GOLGA1: variants seen among roughly 807,000 people sequenced by gnomAD.
GOLGA1 encodes golgin A1.
A neutral mutation model predicts 119.7 loss-of-function variants in GOLGA1; 63 were observed. The observed-to-expected ratio is 0.53, with a 90% CI of 0.43 to 0.65. The LOEUF (loss-of-function observed/expected upper bound fraction) is 0.65, where lower values mean the gene tolerates loss of function less well. Ranked by LOEUF, GOLGA1 falls within the 30% of genes least tolerant of loss-of-function variation. The pLI is 0.00. For synonymous variants in GOLGA1, 318 were observed against 333.4 expected (o/e 0.95, Z 0.50); for missense variants, 798 against 912.8 (o/e 0.87, Z 1.62).
chr9:124,878,511 C>T lies in GOLGA1; in HGVS notation c.*2019G>A, dbSNP rs1373827879. The T allele has an allele frequency of 1.3e-5, 2 of 152,634 alleles. No homozygotes were observed. Among genetic ancestry groups the T allele is most frequent in the South Asian group, 2.1e-4 (1 of 4,830 alleles). The allele number at this position is 152,634 out of a possible 1,614,324, so 9.5% of individuals were successfully genotyped here. A position where few individuals can be genotyped will look rare whatever the true frequency, so the allele number is the denominator to read the frequency against. ...CGCTCGTATAAAGGGCTATAGATAC[C>T]GTCGCTAACACAGAAAGTTTTATAC... is the stretch of plus-strand genomic sequence containing the variant. On this transcript the variant is annotated 3_prime_UTR_variant, in exon 23 of 23. Transcript: ENST00000373555.
At chr9:124,884,880 A>G (rs1829681759) in intron 19 of GOLGA1, among the ~76,000 whole-genome samples, 1 of 152,176 alleles carries the variant, frequency 6.6e-6, no homozygotes, top group South Asian at 2.1e-4. Flanking sequence ...AAAAAAGTCA[A>G]AAGTTCACCC....
At chr9:124,895,981 C>A (rs971832427) in intron 15 of GOLGA1, among the ~76,000 whole-genome samples, 3 of 151,858 alleles carry the variant, frequency 2.0e-5, no homozygotes, top group Non-Finnish European at 2.9e-5. Context: ...GAGAACCATC[C>A]ACAACAGAGA....
At chr9:124,896,655 T>C (rs560041452) in intron 15 of GOLGA1, among the ~76,000 whole-genome samples, 13 of 152,304 alleles carry the variant, frequency 8.5e-5, no homozygotes, top group Admixed American at 7.8e-4. Context: ...AGACCTGCCA[T>C]AGCTGGTTAG....
At chr9:124,898,428 C>G (rs1588068024) in intron 15 of GOLGA1, 121 bp downstream of exon 15, 2 of 646,562 alleles carry the variant, frequency 3.1e-6, no homozygotes, top group Non-Finnish European at 2.7e-6. Flanking sequence ...CCTAACAGAA[C>G]TATTGAACAA....
chr9:124,941,493 C>G (rs1035547429), upstream of GOLGA1, among the ~76,000 whole-genome samples: 1 of 152,190 alleles, frequency 6.6e-6, no homozygotes, highest in East Asian at 1.9e-4. Flanking sequence ...CCCGCCGCAC[C>G]CTAGGCAGCT....
At chr9:124,899,113 T>C (rs1261440725) in intron 14 of GOLGA1, among the ~76,000 whole-genome samples, 1 of 152,150 alleles carries the variant, frequency 6.6e-6, no homozygotes, top group South Asian at 2.1e-4. Flanking sequence ...GCAGGATCAC[T>C]TGAGTCTGAG....
intron 11 of GOLGA1, among the ~76,000 whole-genome samples, chr9:124,910,930 G>A (rs1004639988): frequency 6.6e-6 from 1 of 152,236 alleles, no homozygotes; most frequent in Non-Finnish European, 1.5e-5. Context: ...TGTCTTCCAC[G>A]AAACCAGTCC....
intron 15 of GOLGA1, among the ~76,000 whole-genome samples, chr9:124,892,543 T>G (rs982486084): frequency 1.3e-5 from 2 of 152,114 alleles, no homozygotes; most frequent in Non-Finnish European, 2.9e-5. Context: ...AATGGCACAA[T>G]CTCAGCTCAC....
intron 10 of GOLGA1, among the ~76,000 whole-genome samples, chr9:124,914,732 C>T (rs998257384): frequency 6.6e-6 from 1 of 152,232 alleles, no homozygotes; most frequent in Non-Finnish European, 1.5e-5. Flanking sequence ...AGCCCAAAGG[C>T]ATATACCTAT....
At chr9:124,942,183 T>G (rs1831053196), upstream of GOLGA1, among the ~76,000 whole-genome samples, 1 of 152,038 alleles carries the variant, frequency 6.6e-6, no homozygotes, top group Non-Finnish European at 1.5e-5. Context: ...GGCAGGATAA[T>G]CGCTTGAACC....
At chr9:124,880,901 CCAGA>C (rs1332761279) in intron 22 of GOLGA1, among the ~76,000 whole-genome samples, 1 of 152,206 alleles carries the variant, frequency 6.6e-6, no homozygotes, top group Admixed American at 6.5e-5. Flanking sequence ...GAGTGCCGAG[CCAGA>C]CCTGGGGCTC....
chr9:124,897,783 T>C (rs1456952330), intron 15 of GOLGA1, among the ~76,000 whole-genome samples: 5 of 152,356 alleles, frequency 3.3e-5, no homozygotes, highest in Middle Eastern at 6.8e-3. Flanking sequence ...TTAGTACCTA[T>C]GTCACTCATC....
chr9:124,891,756 T>C (rs1338999926), intron 15 of GOLGA1, among the ~76,000 whole-genome samples: 1 of 151,856 alleles, frequency 6.6e-6, no homozygotes, highest in Non-Finnish European at 1.5e-5. Flanking sequence ...ACGATTCTCC[T>C]GCCTCCCCCT....
intron 10 of GOLGA1, 114 bp downstream of exon 10, chr9:124,921,015 A>C: frequency 1.4e-6 from 1 of 708,446 alleles, no homozygotes; most frequent in South Asian, 1.6e-5. Flanking sequence ...AAATGGAGCC[A>C]TGTGGACTGC....
chr9:124,914,567 T>A (rs1830404414), intron 10 of GOLGA1, among the ~76,000 whole-genome samples: 1 of 152,150 alleles, frequency 6.6e-6, no homozygotes, highest in African/African-American at 2.4e-5. Flanking sequence ...TTACCTGATT[T>A]CAACTCTAAA....
At chr9:124,886,929 A>G (rs1400601888) in intron 19 of GOLGA1, among the ~76,000 whole-genome samples, 7 of 152,128 alleles carry the variant, frequency 4.6e-5, no homozygotes, top group African/African-American at 1.7e-4. Flanking sequence ...GGCTGCCCGC[A>G]GGACCATGGT....
Position 124,882,498 on chromosome 9 carries a change from G to T in GOLGA1, c.1965+12C>A. ...GCTGGGAAGTGGGGCCAGCTCCCAT[G>T]CGAGTACTCACCAGCTCCTTCTGCA... On this transcript the variant is annotated intron_variant, in intron 20 of 22. Coordinates refer to ENST00000373555, the MANE Select transcript of GOLGA1 (RefSeq NM_002077.4). 2.5e-6 allele frequency: 4 copies of T among 1,602,610 alleles called. No homozygotes were observed. The highest frequency in any genetic ancestry group is 3.4e-6 in the Non-Finnish European group (4 of 1,170,950).
intron 22 of GOLGA1, 40 bp from the exon 23 acceptor site, chr9:124,880,650 G>C (rs759261727): frequency 7.8e-7 from 1 of 1,290,240 alleles, no homozygotes; most frequent in Admixed American, 1.7e-5. Context: ...ATGCAAATCA[G>C]GACTTGGTGC....
chr9:124,934,174 A>C (rs1403348129), intron 3 of GOLGA1, among the ~76,000 whole-genome samples: 2 of 152,228 alleles, frequency 1.3e-5, no homozygotes, highest in Non-Finnish European at 2.9e-5. Context: ...ACATAATAAT[A>C]ATAGAGCAGA....
Sources: allele counts gnomAD v4.1 joint callset (sites outside exome capture counted in the v4.1 genomes callset), GRCh38; gene constraint gnomAD v4.1.1; transcripts MANE v1.5; gene names NCBI Gene and HGNC (gene_info 2026-07-23, HGNC 2026-07-21).